The following OSBPL6 variants were observed in gnomAD, a reference collection of about 807,000 sequenced individuals.
The protein encoded by OSBPL6 is oxysterol-binding protein-related protein 6.
Under a neutral mutation model 125.8 loss-of-function variants are expected in OSBPL6, and 49 were observed. The observed-to-expected ratio is 0.39, with a 90% CI of 0.31 to 0.49. OSBPL6 has a LOEUF of 0.49. Ranked by LOEUF, OSBPL6 falls within the 20% of genes least tolerant of loss-of-function variation. The pLI, the probability that OSBPL6 is intolerant of heterozygous loss-of-function variation, is 0.88. For synonymous variants in OSBPL6, 394 were observed against 391.8 expected, an observed-to-expected ratio of 1.01 and a Z score of -0.07; for missense variants, 986 against 1,135.4, an observed-to-expected ratio of 0.87 and a Z score of 1.89.
chr2:178,282,806 C>T (rs917866195), intron 1 of OSBPL6, among the ~76,000 whole-genome samples: 37 of 152,258 alleles, frequency 2.4e-4, no homozygotes, highest in African/African-American at 8.4e-4. Context: ...TGCCTGCCAC[C>T]ATGCCCAGCT....
chr2:178,218,621 C>A (rs1050701520), intron 1 of OSBPL6, among the ~76,000 whole-genome samples: 2 of 132,692 alleles, frequency 1.5e-5, no homozygotes, highest in African/African-American at 6.7e-5. Flanking sequence ...CTTTTATCCC[C>A]CTTCTTTCTT....
rs201056283 is a variant in OSBPL6, at chr2:178,243,520, GCACT to G, written c.-350-41405_-350-41402del. ...ACCTTTGGTGCCTCATTCCTTCACT[GCACT>G]CCCCCCGACCCATATGGCTTAGCCC... On this transcript the variant is annotated intron_variant, in intron 1 of 24. Coordinates refer to ENST00000190611, the MANE Select transcript of OSBPL6 (RefSeq NM_032523.4). Among the ~76,000 whole-genome samples the G allele has an allele frequency of 7.6e-4, 115 of 152,126 alleles. 1 individual carries two copies. In the East Asian group the frequency reaches 0.018, roughly 24 times the overall value.
chr2:178,389,216 G>C, intron 21 of OSBPL6, 63 bp downstream of exon 21: 2 of 1,499,800 alleles, frequency 1.3e-6, no homozygotes, highest in Non-Finnish European at 1.8e-6. Flanking sequence ...AGAAGAAATA[G>C]AATAATCACC....
chr2:178,236,735 C>T (rs2091068970), intron 1 of OSBPL6, among the ~76,000 whole-genome samples: 2 of 152,184 alleles, frequency 1.3e-5, no homozygotes, highest in Admixed American at 1.3e-4. Flanking sequence ...AATTTGTCTA[C>T]AGTCACTTAT....
intron 1 of OSBPL6, among the ~76,000 whole-genome samples, chr2:178,265,924 A>C (rs1250111192): frequency 6.6e-6 from 1 of 152,206 alleles, no homozygotes; most frequent in Non-Finnish European, 1.5e-5. Flanking sequence ...CTCTAATTGC[A>C]AACTGTGATA....
At chr2:178,270,242 C>CT (rs1559184522) in intron 1 of OSBPL6, among the ~76,000 whole-genome samples, 1 of 152,130 alleles carries the variant, frequency 6.6e-6, no homozygotes, top group Non-Finnish European at 1.5e-5. Context: ...CTCTTATTTT[C>CT]TTTTTGTGTG....
chr2:178,233,152 C>T (rs74553775), intron 1 of OSBPL6, among the ~76,000 whole-genome samples: 1 of 152,130 alleles, frequency 6.6e-6, no homozygotes, highest in Non-Finnish European at 1.5e-5. Flanking sequence ...ATTCAAGAAA[C>T]CTGTTCGATA....
At chr2:178,246,756 C>G (rs1218450973) in intron 1 of OSBPL6, among the ~76,000 whole-genome samples, 1 of 152,126 alleles carries the variant, frequency 6.6e-6, no homozygotes, top group African/African-American at 2.4e-5. Context: ...ATTAGCCTTC[C>G]TTTTGGTCTC....
In OSBPL6 at chr2:178,354,126, G is replaced by A. The variant is rs558599014; in HGVS notation, c.1153+4737G>A. ...AGAAACAACTGGTACCAGCCACTGC[G>A]AAAACATGCCAAATTGTAAAGACCA... On this transcript the variant is annotated intron_variant, in intron 12 of 24. Transcript: ENST00000190611. 1.9e-4 allele frequency among the ~76,000 whole-genome samples: 29 copies of A among 152,272 alleles called. No individual in the cohort carries two copies. In the East Asian group the frequency reaches 3.3e-3, roughly 17 times the overall value.
intron 15 of OSBPL6, among the ~76,000 whole-genome samples, chr2:178,379,091 G>A (rs1443594995): frequency 6.6e-6 from 1 of 151,994 alleles, no homozygotes; most frequent in Admixed American, 6.6e-5. Flanking sequence ...AGGATCCCTT[G>A]AGCCCAGGAG....
chr2:178,388,947 A>G, intron 20 of OSBPL6, 62 bp from the exon 21 acceptor site: 1 of 1,539,402 alleles, frequency 6.5e-7, no homozygotes, highest in Non-Finnish European at 8.8e-7. Flanking sequence ...TCTCATTAGC[A>G]GAAACAGTTA....
chr2:178,332,315 G>A lies in OSBPL6; in HGVS notation c.373-326G>A, dbSNP rs995234480. Among the ~76,000 whole-genome samples, 8 of 152,312 alleles carry A rather than the reference G, an allele frequency of 5.3e-5. No individual in the cohort carries two copies. The South Asian group carries it at 1.7e-3, about 32-fold the overall frequency. On this transcript the variant is annotated intron_variant, in intron 6 of 24. Coordinates refer to ENST00000190611, the MANE Select transcript of OSBPL6 (RefSeq NM_032523.4). ...GGTTATACGTCAAAGATTGACCGCA[G>A]TTATTTTAGGACCGCTAAAGATGTC...
chr2:178,374,172 C>A, intron 15 of OSBPL6, 145 bp downstream of exon 15: 1 of 1,012,346 alleles, frequency 9.9e-7, no homozygotes, highest in Non-Finnish European at 1.4e-6. Flanking sequence ...TGCAGCAAAG[C>A]TAAAAGCATG....
intron 1 of OSBPL6, among the ~76,000 whole-genome samples, chr2:178,244,639 T>G (rs981027158): frequency 6.6e-6 from 1 of 152,246 alleles, no homozygotes; most frequent in East Asian, 1.9e-4. Flanking sequence ...AGATATGCTT[T>G]TATAGTTTTA....
chr2:178,337,649 A>G (rs1689808849), intron 9 of OSBPL6, among the ~76,000 whole-genome samples: 1 of 152,200 alleles, frequency 6.6e-6, no homozygotes, highest in South Asian at 2.1e-4. Context: ...GCTAAATGCT[A>G]CTATCACCAT....
At chr2:178,238,013 G>C (rs986467288) in intron 1 of OSBPL6, among the ~76,000 whole-genome samples, 3 of 152,150 alleles carry the variant, frequency 2.0e-5, no homozygotes, top group African/African-American at 7.2e-5. Context: ...GCCAAATCCA[G>C]GGAATGACCT....
At chr2:178,291,238 T>A (rs334621) in intron 2 of OSBPL6, among the ~76,000 whole-genome samples, 3 of 151,986 alleles carry the variant, frequency 2.0e-5, no homozygotes, top group Non-Finnish European at 4.4e-5. Flanking sequence ...GGCAGTGATA[T>A]TCAGTCTATT....
intron 2 of OSBPL6, among the ~76,000 whole-genome samples, chr2:178,286,926 T>G (rs1263966913): frequency 6.6e-6 from 1 of 151,904 alleles, no homozygotes; most frequent in Non-Finnish European, 1.5e-5. Context: ...AAACTTGTCT[T>G]TCCTCATCTT....
intron 1 of OSBPL6, among the ~76,000 whole-genome samples, chr2:178,245,353 T>C (rs188069981): frequency 6.6e-6 from 1 of 152,352 alleles, no homozygotes; most frequent in East Asian, 1.9e-4. Flanking sequence ...ACAATGTATG[T>C]ATAGTTGAAT....
Sources: allele counts gnomAD v4.1 joint callset (sites outside exome capture counted in the v4.1 genomes callset), GRCh38; gene constraint gnomAD v4.1.1; transcripts MANE v1.5; gene names NCBI Gene and HGNC (gene_info 2026-07-23, HGNC 2026-07-21).